The following PEAK1 variants were observed in gnomAD, a reference collection of about 807,000 sequenced individuals.
PEAK1 encodes pseudopodium enriched atypical kinase 1, also known as inactive tyrosine-protein kinase PEAK1.
A neutral mutation model predicts 124.7 loss-of-function variants in PEAK1; 54 were observed. The observed-to-expected ratio is 0.43, with a 90% CI of 0.35 to 0.54. The LOEUF is 0.54. Among genes scored for constraint, PEAK1 ranks in the 20% least tolerant of loss-of-function variants. The pLI is 0.01. For synonymous variants in PEAK1, 719 were observed against 760.0 expected (o/e 0.95, Z 0.89); for missense variants, 2,046 against 2,134.5 (o/e 0.96, Z 0.82).
chr15:77,218,443 T>G (rs145226523), intron 6 of PEAK1, among the ~76,000 whole-genome samples: 66 of 152,280 alleles, frequency 4.3e-4, no homozygotes, highest in African/African-American at 1.5e-3. Flanking sequence ...GTTGATAGAT[T>G]GTCAGATGTT....
At chr15:77,346,759 T>C in intron 2 of PEAK1, 1 of 979,878 alleles carries the variant, frequency 1.0e-6, no homozygotes, top group Non-Finnish European at 1.2e-6. Flanking sequence ...AGAAAAAATA[T>C]TCATTCATTG....
At chr15:77,215,169 C>A (rs1190192769) in intron 6 of PEAK1, among the ~76,000 whole-genome samples, 1 of 152,112 alleles carries the variant, frequency 6.6e-6, no homozygotes, top group Non-Finnish European at 1.5e-5. Context: ...TAAGTGTCCC[C>A]CCATGTGCTT....
chr15:77,309,411 G>T (rs921164484), intron 2 of PEAK1, among the ~76,000 whole-genome samples: 2 of 151,674 alleles, frequency 1.3e-5, no homozygotes, highest in African/African-American at 4.8e-5. Flanking sequence ...ATTAATGACA[G>T]AATGTGCATT....
At chr15:77,145,926 A>G (rs1437079033) in intron 8 of PEAK1, among the ~76,000 whole-genome samples, 1 of 152,176 alleles carries the variant, frequency 6.6e-6, no homozygotes, top group East Asian at 1.9e-4. Context: ...GTGTTCAACA[A>G]ATGTTTGCTG....
At chr15:77,208,757 T>C (rs2058775180) in intron 6 of PEAK1, among the ~76,000 whole-genome samples, 1 of 152,166 alleles carries the variant, frequency 6.6e-6, no homozygotes, top group Admixed American at 6.5e-5. Context: ...ATGTGTGAAA[T>C]GTGTGAAAAT....
intron 7 of PEAK1, among the ~76,000 whole-genome samples, chr15:77,162,587 T>C (rs965006982): frequency 7.2e-6 from 1 of 138,830 alleles, no homozygotes; most frequent in Non-Finnish European, 1.6e-5. Flanking sequence ...AGTGATACTT[T>C]ACAAATATCA....
chr15:77,138,690 T>G (rs1428583439), intron 8 of PEAK1, among the ~76,000 whole-genome samples: 1 of 151,952 alleles, frequency 6.6e-6, no homozygotes, highest in Non-Finnish European at 1.5e-5. Flanking sequence ...ATGGAAACCG[T>G]GTCTGTACTA....
Position 77,115,091 on chromosome 15 carries a change from G to T in PEAK1, c.4306C>A (p.Pro1436Thr). The T allele has an allele frequency of 1.2e-6, 2 of 1,614,106 alleles. No individual in the cohort carries two copies. Among genetic ancestry groups the T allele is most frequent in the South Asian group, 2.2e-5 (2 of 91,072 alleles). The change falls in exon 10 of 10, where the codon CCC becomes ACC. Residue 1436 changes from proline to threonine, a missense_variant. Coordinates refer to ENST00000682557, the MANE Select transcript of PEAK1 (RefSeq NM_001385026.1). Reference protein sequence around the residue: ...KGETDGKNPKPCSEAASSQKE... With the variant: ...KGETDGKNPKTCSEAASSQKE... ...TGGGATGATGCTGCTTCAGAACAGG[G>T]CTTTGGGTTTTTCCCATCCGTTTCT...
chr15:77,314,191 CTTT>C (rs1159667769), intron 2 of PEAK1, among the ~76,000 whole-genome samples: 2 of 151,960 alleles, frequency 1.3e-5, no homozygotes, highest in African/African-American at 2.4e-5. Context: ...TCATTGTATT[CTTT>C]AAGAACCTTA....
At chr15:77,272,086 C>T (rs2152955578) in intron 5 of PEAK1, among the ~76,000 whole-genome samples, 1 of 152,112 alleles carries the variant, frequency 6.6e-6, no homozygotes, top group East Asian at 1.9e-4. Context: ...AGTGACACAA[C>T]CTATAAAAAC....
intron 9 of PEAK1, among the ~76,000 whole-genome samples, chr15:77,115,737 T>TG (rs2152711736): frequency 6.6e-6 from 1 of 152,344 alleles, no homozygotes; most frequent in South Asian, 2.1e-4. Flanking sequence ...TAGCCCAGAA[T>TG]GATACAGCAG....
At chr15:77,258,165 G>T (rs367735719) in intron 5 of PEAK1, among the ~76,000 whole-genome samples, 2 of 152,294 alleles carry the variant, frequency 1.3e-5, no homozygotes, top group East Asian at 3.9e-4. Flanking sequence ...GTGGCGTGAT[G>T]CCTCCAGCTT....
At chr15:77,129,725 C>T (rs1312824667) in intron 9 of PEAK1, among the ~76,000 whole-genome samples, 3 of 151,938 alleles carry the variant, frequency 2.0e-5, no homozygotes, top group South Asian at 2.1e-4. Context: ...AGATTACAGG[C>T]GTGAGCCACC....
At chr15:77,118,043 G>A (rs2051554626) in intron 9 of PEAK1, among the ~76,000 whole-genome samples, 1 of 152,162 alleles carries the variant, frequency 6.6e-6, no homozygotes, top group South Asian at 2.1e-4. Context: ...ATTGTTTCAC[G>A]ATTTTGGATG....
At chr15:77,256,728 A>T (rs1181884346) in intron 5 of PEAK1, among the ~76,000 whole-genome samples, 2 of 151,650 alleles carry the variant, frequency 1.3e-5, no homozygotes, top group Non-Finnish European at 3.0e-5. Flanking sequence ...TTTTTTTTAA[A>T]TTTTATTATT....
In PEAK1 at chr15:77,394,445, GT is replaced by G. The variant is rs372310284; in HGVS notation, c.-666+25560del. On this transcript the variant is annotated intron_variant, in intron 1 of 9. Coordinates refer to ENST00000682557, the MANE Select transcript of PEAK1 (RefSeq NM_001385026.1). Reference sequence around the variant, plus strand: ...CTCAGCACAGAAAGAGATTCCATTTGTTTGGGAGAAGGTAAGGGAAGTGAAC... The same window carrying G: ...CTCAGCACAGAAAGAGATTCCATTTGTTGGGAGAAGGTAAGGGAAGTGAAC... Among the ~76,000 whole-genome samples the G allele has an allele frequency of 5.1e-3, 770 of 152,318 alleles. 5 individuals are homozygous for G. Among genetic ancestry groups the G allele is most frequent in the African/African-American group, 0.017 (715 of 41,566 alleles).
Position 77,133,479 on chromosome 15 carries a change from A to G in PEAK1, c.3603T>C (p.Ser1201=), listed in dbSNP as rs1297850255. The G allele has an allele frequency of 6.2e-7, 1 of 1,614,246 alleles. No homozygotes were observed. Among genetic ancestry groups the G allele is most frequent in the South Asian group, 1.1e-5 (1 of 91,090 alleles). ...DPNWDASSAG[S]SISYELKGLD... is the part of the protein sequence containing the mutation. ...GTCCTTTGAGTTCATAGCTGATGGAAGAACCAGCACTGCTGGCATCCCAGT... is the reference window on the plus strand; with the variant it reads ...GTCCTTTGAGTTCATAGCTGATGGAGGAACCAGCACTGCTGGCATCCCAGT... Residue 1201 remains serine, a synonymous_variant, in exon 9 of 10, where the codon TCT becomes TCC. Transcript: ENST00000682557. This position sits in a 1 kb window ranked among gnomAD's most constrained non-coding sequence, Gnocchi z 4.2.
chr15:77,273,731 T>C (rs1406823814), intron 5 of PEAK1, among the ~76,000 whole-genome samples: 1 of 152,052 alleles, frequency 6.6e-6, no homozygotes, highest in Non-Finnish European at 1.5e-5. Flanking sequence ...TTCAATGCAA[T>C]TCCCATGAAA....
At position 77,179,004 on chromosome 15, in the gene PEAK1, T is replaced by C; in HGVS notation, c.2923A>G (p.Thr975Ala). The C allele has an allele frequency of 6.2e-7, 1 of 1,614,128 alleles. No individual in the cohort carries two copies. The highest frequency in any genetic ancestry group is 1.1e-5 in the South Asian group (1 of 91,086). Residue 975 changes from threonine to alanine, a missense_variant, in exon 7 of 10, where the codon ACA becomes GCA. Transcript: ENST00000682557. The stretch of plus-strand genomic sequence containing the variant: ...TCACTGGACTCTCCTTTCGCCTCTG[T>C]GAACCAGTGATGGCGCTGAACTGGA... Reference protein sequence around the residue: ...PPPVQRHHWFTEAKGESSEKP... With the variant: ...PPPVQRHHWFAEAKGESSEKP...
Sources: gnomAD v4.1 joint callset for allele counts (sites outside exome capture counted in the v4.1 genomes callset) on GRCh38, gnomAD v4.1.1 for gene constraint, Gnocchi (gnomAD v3.1) non-coding constraint, MANE v1.5 for transcripts, NCBI Gene and HGNC (gene_info 2026-07-23, HGNC 2026-07-21) for gene names.